The following FIG4 variants were observed in gnomAD, a reference collection of about 807,000 sequenced individuals.
The protein encoded by FIG4 is FIG4 phosphoinositide 5-phosphatase, also known as polyphosphoinositide phosphatase.
A neutral mutation model predicts 118.6 loss-of-function variants in FIG4; 112 were observed. The observed-to-expected ratio is 0.94, with a 90% CI of 0.81 to 1.11. The LOEUF (loss-of-function observed/expected upper bound fraction) is 1.11. Ranked by LOEUF, FIG4 falls within the 50% of genes least tolerant of loss-of-function variation. FIG4 has a pLI of 0.00. For missense variants in FIG4, 969 were observed against 1,111.7 expected (o/e 0.87, Z 1.83); for synonymous variants, 369 against 381.2 (o/e 0.97, Z 0.37).
intron 1 of FIG4, among the ~76,000 whole-genome samples, chr6:109,692,949 G>T (rs904388791): frequency 6.6e-6 from 1 of 152,198 alleles, no homozygotes; most frequent in Non-Finnish European, 1.5e-5. Context: ...CTCCCAAAGT[G>T]TTGGGATTAC....
At chr6:109,696,603 G>T (rs956344343) in intron 1 of FIG4, among the ~76,000 whole-genome samples, 11 of 152,196 alleles carry the variant, frequency 7.2e-5, no homozygotes, top group African/African-American at 2.7e-4. Flanking sequence ...ATATGGATGA[G>T]TCTAGAGGAC....
chr6:109,778,298 TA>T (rs56412248), intron 16 of FIG4, among the ~76,000 whole-genome samples: 3,371 of 140,332 alleles, frequency 0.024, 55 homozygotes, highest in Non-Finnish European at 0.035. Flanking sequence ...CCATCTCTAC[TA>T]AAAAAAAAAA....
rs542457867 is a variant in FIG4 at position 109,744,620 on chromosome 6, TAGTC to T, written c.1137+854_1137+857del. Reference sequence around the variant, plus strand: ...AAGCCTGTGACCCTGTGTGTCCATTTAGTCAGTCATTTATTTTTATTTACTTATT... The same window carrying T: ...AAGCCTGTGACCCTGTGTGTCCATTTAGTCATTTATTTTTATTTACTTATT... On this transcript the variant is annotated intron_variant, in intron 10 of 22. Transcript: ENST00000230124. 2.5e-3 allele frequency among the ~76,000 whole-genome samples: 376 copies of T among 152,096 alleles called. 2 individuals are homozygous for T. The highest frequency in any genetic ancestry group is 2.9e-3 in the Non-Finnish European group (195 of 67,914).
chr6:109,695,456 C>G (rs1583619446), intron 1 of FIG4, among the ~76,000 whole-genome samples: 1 of 152,130 alleles, frequency 6.6e-6, no homozygotes, highest in African/African-American at 2.4e-5. Flanking sequence ...GAGAAGGACT[C>G]TGTGATGGAG....
chr6:109,763,502 A>G (rs1777175701), intron 12 of FIG4, among the ~76,000 whole-genome samples: 1 of 152,242 alleles, frequency 6.6e-6, no homozygotes, highest in Non-Finnish European at 1.5e-5. Flanking sequence ...AATATAACAA[A>G]GCCTCTATGA....
chr6:109,697,065 A>G (rs1774744518), intron 1 of FIG4, among the ~76,000 whole-genome samples: 1 of 152,142 alleles, frequency 6.6e-6, no homozygotes, highest in Non-Finnish European at 1.5e-5. Context: ...GATTGAGAGC[A>G]TCCTGGCTAA....
At chr6:109,803,621 CT>C (rs199761048) in intron 22 of FIG4, among the ~76,000 whole-genome samples, 14,348 of 149,448 alleles carry the variant, frequency 0.096, 873 homozygotes, top group South Asian at 0.27. Flanking sequence ...TTTCTTTTTT[CT>C]TTTTTTTTTA....
In FIG4 at chr6:109,791,551, G is replaced by A; in HGVS notation, c.2356G>A (p.Asp786Asn). The change falls in exon 20 of 23, where the codon GAC becomes AAC. Residue 786 changes from aspartate (D) to asparagine (N), a missense_variant. Physicochemically the swap from Asp to Asn is conservative, Grantham distance 23. This residue lies in a region of FIG4 where 330 missense variants were observed against 348.1 expected (regional missense o/e 0.95). Coordinates refer to ENST00000230124, the MANE Select transcript of FIG4 (RefSeq NM_014845.6). The part of the protein sequence containing the change: ...STPVKMTDAG[D>N]SAKVTENVVQ... The stretch of plus-strand genomic sequence containing the variant: ...TCCCGTGAAGATGACTGATGCAGGA[G>A]ACAGTGCCAAAGTGACCGAGGTGCG... The A allele has an allele frequency of 2.5e-6, 4 of 1,613,966 alleles. No homozygotes were observed. Among genetic ancestry groups the A allele is most frequent in the Non-Finnish European group, 3.4e-6 (4 of 1,180,008 alleles).
chr6:109,738,964 G>A (rs1218933777), intron 7 of FIG4, among the ~76,000 whole-genome samples: 2 of 152,164 alleles, frequency 1.3e-5, no homozygotes, highest in African/African-American at 4.8e-5. Context: ...TGGTATGTGG[G>A]AGTCAGATGG....
intron 1 of FIG4, among the ~76,000 whole-genome samples, chr6:109,703,916 C>T (rs1374287938): frequency 6.6e-6 from 1 of 152,200 alleles, no homozygotes; most frequent in Non-Finnish European, 1.5e-5. Flanking sequence ...TATCCAGCCT[C>T]TAAATAATGG....
intron 3 of FIG4, among the ~76,000 whole-genome samples, chr6:109,721,192 T>G (rs1775596882): frequency 6.6e-6 from 1 of 152,134 alleles, no homozygotes. Context: ...AGACTGCAGA[T>G]CCAAGATAAC....
intron 1 of FIG4, among the ~76,000 whole-genome samples, chr6:109,702,946 CT>C (rs1774949382): frequency 6.6e-6 from 1 of 152,174 alleles, no homozygotes; most frequent in African/African-American, 2.4e-5. Flanking sequence ...AGCCGCCATT[CT>C]GGGGTTTCCC....
At chr6:109,726,578 C>G (rs1004025163) in intron 3 of FIG4, among the ~76,000 whole-genome samples, 1 of 151,802 alleles carries the variant, frequency 6.6e-6, no homozygotes, top group African/African-American at 2.4e-5. Context: ...GTCTTGGTGT[C>G]TTGGCTATGA....
chr6:109,732,041 C>T (rs920819958), intron 4 of FIG4, among the ~76,000 whole-genome samples: 1 of 152,140 alleles, frequency 6.6e-6, no homozygotes, highest in Non-Finnish European at 1.5e-5. Flanking sequence ...GAAGGATTCA[C>T]ATCAGTGACA....
At chr6:109,809,455 A>G (rs1249865802) in intron 22 of FIG4, among the ~76,000 whole-genome samples, 2 of 152,196 alleles carry the variant, frequency 1.3e-5, no homozygotes, top group Admixed American at 6.5e-5. Context: ...TATGGTAAAT[A>G]TCACTAGATA....
intron 22 of FIG4, among the ~76,000 whole-genome samples, chr6:109,823,571 T>C (rs942244848): frequency 3.3e-5 from 5 of 152,184 alleles, no homozygotes; most frequent in Non-Finnish European, 7.3e-5. Context: ...TGGGGGGTTT[T>C]ACTGTACAAC....
At chr6:109,747,236 T>A (rs1299231281) in intron 10 of FIG4, among the ~76,000 whole-genome samples, 4 of 151,812 alleles carry the variant, frequency 2.6e-5, no homozygotes, top group African/African-American at 9.7e-5. Flanking sequence ...CAGATGACAT[T>A]TGAAGGCATG....
At chr6:109,765,190 CTGA>C (rs774664851) in intron 14 of FIG4, 29 bp downstream of exon 14, 1 of 1,602,308 alleles carries the variant, frequency 6.2e-7, no homozygotes, top group Non-Finnish European at 8.6e-7. Context: ...TATTTGAATG[CTGA>C]TAATGGCAGA....
chr6:109,713,656 A>G (rs910488468), intron 1 of FIG4, among the ~76,000 whole-genome samples: 2 of 152,170 alleles, frequency 1.3e-5, no homozygotes, highest in African/African-American at 4.8e-5. Context: ...TAGGGCAAGG[A>G]AGACAAAACC....
Sources: allele counts gnomAD v4.1 joint callset (sites outside exome capture counted in the v4.1 genomes callset), GRCh38; gene constraint gnomAD v4.1.1; regional missense constraint gnomAD v4.1.1; transcripts MANE v1.5; gene names NCBI Gene and HGNC (gene_info 2026-07-23, HGNC 2026-07-21).